Variants in UGGT2 observed in about 807,000 individuals in gnomAD.
UGGT2 encodes the protein UDP-glucose:glycoprotein glucosyltransferase 2.
In UGGT2, 180 loss-of-function variants were observed where a neutral mutation model predicts 192.1. That is an observed-to-expected ratio of 0.94 (90% CI 0.83 to 1.06). UGGT2 has a LOEUF of 1.06. UGGT2 is among the 50% of genes least tolerant of loss of function. The pLI is 0.00. For synonymous variants in UGGT2, 580 were observed against 591.0 expected (o/e 0.98, Z 0.27); for missense variants, 1,849 against 1,795.7 (o/e 1.03, Z -0.54).
At chr13:95,983,782 TA>T in intron 10 of UGGT2, 21 bp downstream of exon 10, 3 of 1,493,428 alleles carry the variant, frequency 2.0e-6, no homozygotes, top group Middle Eastern at 1.8e-4. Context: ...GTAAATGTTT[TA>T]AAAAAGGAAT....
At chr13:95,839,453 T>C (rs2139933043) in intron 36 of UGGT2, among the ~76,000 whole-genome samples, 1 of 152,328 alleles carries the variant, frequency 6.6e-6, no homozygotes, top group South Asian at 2.1e-4. Flanking sequence ...ATCTATGCTG[T>C]GACATATTTC....
At chr13:96,036,842 C>A (rs1326486117) in intron 1 of UGGT2, among the ~76,000 whole-genome samples, 1 of 152,120 alleles carries the variant, frequency 6.6e-6, no homozygotes, top group Admixed American at 6.5e-5. Flanking sequence ...TTACTTTAGC[C>A]TGGGAGGTCT....
intron 1 of UGGT2, among the ~76,000 whole-genome samples, chr13:96,039,929 T>C (rs1033725889): frequency 6.6e-6 from 1 of 152,204 alleles, no homozygotes; most frequent in Non-Finnish European, 1.5e-5. Context: ...CAGGATGATA[T>C]AAGTATTCTC....
At chr13:96,006,900 G>C (rs567309388) in intron 5 of UGGT2, among the ~76,000 whole-genome samples, 4 of 152,182 alleles carry the variant, frequency 2.6e-5, no homozygotes, top group African/African-American at 9.6e-5. Flanking sequence ...TTCTAACTCT[G>C]CTCTGTAACT....
At chr13:95,809,118 A>C (rs546426460) in intron 38 of UGGT2, among the ~76,000 whole-genome samples, 1 of 152,322 alleles carries the variant, frequency 6.6e-6, no homozygotes, top group East Asian at 1.9e-4. Flanking sequence ...TAAACTGGTG[A>C]ATGATTTAGC....
chr13:95,933,775 G>A (rs1281595887), intron 17 of UGGT2, among the ~76,000 whole-genome samples: 2 of 152,034 alleles, frequency 1.3e-5, no homozygotes, highest in East Asian at 1.9e-4. Flanking sequence ...TCCGCCTCCC[G>A]GGTTCATGCC....
intron 17 of UGGT2, among the ~76,000 whole-genome samples, chr13:95,935,840 C>T (rs1026319121): frequency 6.6e-6 from 1 of 152,086 alleles, no homozygotes; most frequent in African/African-American, 2.4e-5. Context: ...AAAAATTCTT[C>T]TTTTCAGACA....
intron 14 of UGGT2, among the ~76,000 whole-genome samples, chr13:95,947,598 G>A (rs1001906958): frequency 4.6e-5 from 7 of 151,852 alleles, no homozygotes; most frequent in Admixed American, 1.3e-4. Flanking sequence ...CTATAGGTGC[G>A]CACCACCACG....
At chr13:95,926,163 T>G (rs1261216448) in intron 19 of UGGT2, among the ~76,000 whole-genome samples, 1 of 152,122 alleles carries the variant, frequency 6.6e-6, no homozygotes, top group Non-Finnish European at 1.5e-5. Context: ...TCAAGCTTAT[T>G]AGTAGATATA....
At chr13:95,998,681 T>C (rs1220854471) in intron 6 of UGGT2, among the ~76,000 whole-genome samples, 1 of 152,182 alleles carries the variant, frequency 6.6e-6, no homozygotes, top group African/African-American at 2.4e-5. Flanking sequence ...AGAGTATGCA[T>C]TTAGTTCATA....
intron 36 of UGGT2, among the ~76,000 whole-genome samples, chr13:95,850,922 T>G (rs753341406): frequency 2.2e-4 from 33 of 152,190 alleles, no homozygotes; most frequent in Non-Finnish European, 3.4e-4. Flanking sequence ...GTCACCCCCT[T>G]ACCTGGGGCA....
At chr13:95,858,827 T>C (rs1423314637) in intron 33 of UGGT2, among the ~76,000 whole-genome samples, 1 of 152,188 alleles carries the variant, frequency 6.6e-6, no homozygotes, top group African/African-American at 2.4e-5. Context: ...GGGATTGTTA[T>C]GAAAAACAAT....
chr13:95,920,808 C>T (rs2048821084), intron 20 of UGGT2, among the ~76,000 whole-genome samples: 1 of 152,172 alleles, frequency 6.6e-6, no homozygotes, highest in Non-Finnish European at 1.5e-5. Flanking sequence ...AACAAAATTA[C>T]CATTTGACCC....
At chr13:95,873,908 T>C (rs901444246) in intron 29 of UGGT2, among the ~76,000 whole-genome samples, 4 of 152,138 alleles carry the variant, frequency 2.6e-5, no homozygotes, top group Non-Finnish European at 5.9e-5. Flanking sequence ...TGAGGGAAAC[T>C]GGGTCTGGGG....
chr13:95,807,020 C>T (rs1884340340), intron 38 of UGGT2, among the ~76,000 whole-genome samples: 1 of 152,042 alleles, frequency 6.6e-6, no homozygotes, highest in African/African-American at 2.4e-5. Context: ...ACACTAAACC[C>T]CTGCACAGTT....
intron 5 of UGGT2, among the ~76,000 whole-genome samples, chr13:96,009,871 G>A (rs1331087964): frequency 1.3e-5 from 2 of 151,998 alleles, no homozygotes; most frequent in African/African-American, 2.4e-5. Flanking sequence ...CATATGATAT[G>A]GCCAAAAAGC....
intron 12 of UGGT2, among the ~76,000 whole-genome samples, chr13:95,954,949 C>T (rs1232407558): frequency 2.0e-5 from 3 of 152,192 alleles, no homozygotes; most frequent in Middle Eastern, 3.2e-3. Context: ...CCCTTCTGGT[C>T]CCAAGCATTT....
intron 5 of UGGT2, among the ~76,000 whole-genome samples, 200 bp downstream of exon 5, chr13:96,013,107 G>C (rs1461711499): frequency 6.6e-6 from 1 of 151,876 alleles, no homozygotes; most frequent in Non-Finnish European, 1.5e-5. Flanking sequence ...CCAGATATAA[G>C]GCAAAGAATT....
intron 36 of UGGT2, among the ~76,000 whole-genome samples, chr13:95,848,494 C>A (rs902487511): frequency 6.6e-6 from 1 of 152,102 alleles, no homozygotes; most frequent in Non-Finnish European, 1.5e-5. Context: ...TGTCTAGATT[C>A]ATTTTTTTCT....
Sources: allele counts gnomAD v4.1 joint callset (sites outside exome capture counted in the v4.1 genomes callset), GRCh38; gene constraint gnomAD v4.1.1; transcripts MANE v1.5; gene names NCBI Gene and HGNC (gene_info 2026-07-23, HGNC 2026-07-21).